GBF1: variants seen among roughly 807,000 people sequenced by gnomAD.
GBF1 encodes Golgi-specific brefeldin A-resistance guanine nucleotide exchange factor 1.
GBF1 carries 114 observed loss-of-function variants against 210.5 expected under a neutral mutation model. The ratio of observed to expected loss-of-function variants is 0.54; its 90% CI spans 0.47 to 0.63. The LOEUF is 0.63. Among genes scored for constraint, GBF1 ranks in the 30% least tolerant of loss-of-function variants. The probability of loss-of-function intolerance (pLI) is 0.00; values close to 1 mark genes in which losing one functional copy is unlikely to be tolerated. For missense variants in GBF1, 1,851 were observed against 2,357.7 expected, an observed-to-expected ratio of 0.79 and a Z score of 4.45; for synonymous variants, 850 against 889.2, an observed-to-expected ratio of 0.96 and a Z score of 0.78.
At chr10:102,299,237 A>G (rs756073025) in intron 3 of GBF1, among the ~76,000 whole-genome samples, 1 of 152,230 alleles carries the variant, frequency 6.6e-6, no homozygotes. Flanking sequence ...TGCTGAGTGA[A>G]TGATTCCAGT....
intron 3 of GBF1, among the ~76,000 whole-genome samples, chr10:102,304,896 C>CAGCTT (rs2077703860): frequency 6.6e-6 from 1 of 151,262 alleles, no homozygotes; most frequent in African/African-American, 2.4e-5. Context: ...CCTGTAGTCC[C>CAGCTT]AGCTACTCAG....
intron 3 of GBF1, among the ~76,000 whole-genome samples, chr10:102,296,485 C>G (rs1395597914): frequency 6.6e-6 from 1 of 152,160 alleles, no homozygotes; most frequent in Admixed American, 6.6e-5. Context: ...TGGCTCACGC[C>G]TGTAATCTCA....
chr10:102,365,187 T>C (rs2059842865), intron 17 of GBF1, among the ~76,000 whole-genome samples: 1 of 151,780 alleles, frequency 6.6e-6, no homozygotes, highest in South Asian at 2.1e-4. Context: ...AGGAAAGGAG[T>C]AAAAAAGAGC....
chr10:102,366,640 G>A lies in GBF1; in HGVS notation c.2433+134G>A. ...CTCGCTCTGTCACCCAGGCTGGAGTGCAGTAGCGCAGTCTCAGCACACTGC... is the reference window on the plus strand; with the variant it reads ...CTCGCTCTGTCACCCAGGCTGGAGTACAGTAGCGCAGTCTCAGCACACTGC... On this transcript the variant is annotated intron_variant, in intron 19 of 39. Coordinates refer to ENST00000369983, the MANE Select transcript of GBF1 (RefSeq NM_001377137.1). The surrounding 1 kb of genome is among the most constrained non-coding windows in gnomAD (Gnocchi z 4.0). The A allele has an allele frequency of 2.6e-6, 2 of 772,306 alleles. No individual in the cohort carries two copies. The highest frequency in any genetic ancestry group is 4.0e-6 in the Non-Finnish European group (2 of 498,526). 47.8% of individuals were successfully genotyped at this position (772,306 alleles called of 1,614,324 possible).
At chr10:102,351,741 C>G in intron 5 of GBF1, 102 bp from the exon 6 acceptor site, 4 of 717,488 alleles carry the variant, frequency 5.6e-6, no homozygotes, top group South Asian at 3.1e-5. Flanking sequence ...ACCTCTCTAC[C>G]AAGCTGAGGT....
At chr10:102,381,039 G>T in intron 38 of GBF1, 88 bp from the exon 39 acceptor site, 2 of 1,279,846 alleles carry the variant, frequency 1.6e-6, no homozygotes, top group Non-Finnish European at 2.2e-6. Flanking sequence ...CTGTGCCCTG[G>T]GTGGGTAGAA....
At chr10:102,298,187 C>T in intron 3 of GBF1, among the ~76,000 whole-genome samples, 1 of 152,098 alleles carries the variant, frequency 6.6e-6, no homozygotes, top group African/African-American at 2.4e-5. Flanking sequence ...CCCGCCTCAG[C>T]CTCCCAAAGT....
At chr10:102,296,757 A>G (rs1684053105) in intron 3 of GBF1, among the ~76,000 whole-genome samples, 1 of 151,820 alleles carries the variant, frequency 6.6e-6, no homozygotes, top group Non-Finnish European at 1.5e-5. Flanking sequence ...AAAAAAAAGA[A>G]TTGTAGGCCA....
chr10:102,308,201 T>TAAAAAAAAAAA (rs11440668), intron 3 of GBF1, among the ~76,000 whole-genome samples: 1 of 123,446 alleles, frequency 8.1e-6, no homozygotes, highest in African/African-American at 3.0e-5. Context: ...TCACAGAAGC[T>TAAAAAAAAAAA]AAAAAAAAAA....
At chr10:102,322,187 T>G (rs955542886) in intron 3 of GBF1, among the ~76,000 whole-genome samples, 1 of 152,230 alleles carries the variant, frequency 6.6e-6, no homozygotes, top group African/African-American at 2.4e-5. Context: ...TGAAAAAATA[T>G]TCTGGCTATC....
At position 102,323,259 on chromosome 10, in the gene GBF1, A is replaced by AAG. The variant is rs1554964091; in HGVS notation, c.164-20791_164-20790insGA. ...AAATTGAAAAAAAAAAAAAAAAAAA[A>AAG]AAGAAGAAGAAGAAGCTTCAAAGCC... On this transcript the variant is annotated intron_variant, in intron 3 of 39. Coordinates refer to ENST00000369983, the MANE Select transcript of GBF1 (RefSeq NM_001377137.1). 6.0e-5 allele frequency among the ~76,000 whole-genome samples: 9 copies of AAG among 151,116 alleles called. No homozygotes were observed. In the East Asian group the frequency reaches 7.7e-4, roughly 13 times the overall value.
chr10:102,258,312 G>A (rs1013155663), intron 1 of GBF1, among the ~76,000 whole-genome samples: 13 of 150,966 alleles, frequency 8.6e-5, no homozygotes, highest in South Asian at 2.1e-4. Flanking sequence ...GCGCCACCTC[G>A]CCTGGCTAAT....
intron 3 of GBF1, among the ~76,000 whole-genome samples, chr10:102,293,771 G>GTTTTTTTTTTTTTT (rs56722082): frequency 3.5e-4 from 8 of 22,892 alleles, no homozygotes; most frequent in African/African-American, 1.1e-3. Flanking sequence ...TATGTTTTGT[G>GTTTTTTTTTTTTTT]TTTTTTTTTT....
intron 39 of GBF1, 43 bp downstream of exon 39, chr10:102,381,298 C>G: frequency 6.2e-7 from 1 of 1,604,764 alleles, no homozygotes; most frequent in Non-Finnish European, 8.5e-7. Context: ...GAGTAGCAAG[C>G]AGGGGGCCTA....
chr10:102,258,435 C>T (rs1056661487), intron 1 of GBF1, among the ~76,000 whole-genome samples: 1 of 148,298 alleles, frequency 6.7e-6, no homozygotes, highest in Non-Finnish European at 1.5e-5. Flanking sequence ...GGATTACAGG[C>T]CTGAGCCACT....
At chr10:102,294,275 A>G (rs1454531133) in intron 3 of GBF1, among the ~76,000 whole-genome samples, 1 of 152,158 alleles carries the variant, frequency 6.6e-6, no homozygotes, top group African/African-American at 2.4e-5. Flanking sequence ...CTAGGCCTTC[A>G]CATTCACTCA....
In GBF1 at chr10:102,368,389, T is replaced by C; in HGVS notation, c.2814T>C (p.Ala938=). The C allele has an allele frequency of 1.9e-6, 3 of 1,613,970 alleles. No individual in the cohort carries two copies. The highest frequency in any genetic ancestry group is 2.5e-6 in the Non-Finnish European group (3 of 1,179,826). Reference sequence around the variant, plus strand: ...TGACCTGGGGCCCCACTATTGCTGCTCTCTCTTATGTCTTTGACAAAAGCC... The same window carrying C: ...TGACCTGGGGCCCCACTATTGCTGCCCTCTCTTATGTCTTTGACAAAAGCC... The part of the protein sequence containing the change: ...FTMTWGPTIA[A]LSYVFDKSLE... Residue 938 remains alanine, a synonymous_variant, in exon 22 of 40, where the codon GCT becomes GCC. Coordinates refer to ENST00000369983, the MANE Select transcript of GBF1 (RefSeq NM_001377137.1).
rs776846075 is a variant in GBF1 at position 102,379,559 on chromosome 10, C to G, written c.4684C>G (p.Arg1562Gly). 6.2e-7 allele frequency: 1 copy of G among 1,614,100 alleles called. No individual in the cohort carries two copies. The highest frequency in any genetic ancestry group is 1.1e-5 in the South Asian group (1 of 91,070). Residue 1562 changes from arginine to glycine, a missense_variant, in exon 35 of 40, where the codon CGG (arginine) becomes GGG (glycine). Physicochemically the swap from Arg to Gly is moderately radical, Grantham distance 125 (BLOSUM62 -2). Around this residue, in one of 3 missense-constraint regions of GBF1, gnomAD observed 967 missense variants for 1,247.7 expected, o/e 0.78. Transcript: ENST00000369983. Reference protein sequence around the residue: ...CLCCDARRQVRMQALTYLQRA... With the variant: ...CLCCDARRQVGMQALTYLQRA... The stretch of plus-strand genomic sequence containing the variant: ...GTGCTGCGATGCCCGGCGCCAGGTA[C>G]GGATGCAGGCACTGACCTATCTGCA...
intron 3 of GBF1, among the ~76,000 whole-genome samples, chr10:102,330,951 C>T (rs1047985644): frequency 6.6e-6 from 1 of 152,042 alleles, no homozygotes; most frequent in Admixed American, 6.6e-5. Flanking sequence ...CCTGTCTTAT[C>T]TTTTGAAAGT....
Sources: allele counts gnomAD v4.1 joint callset (sites outside exome capture counted in the v4.1 genomes callset), GRCh38; gene constraint gnomAD v4.1.1; regional missense constraint gnomAD v4.1.1; non-coding constraint Gnocchi (gnomAD v3.1); transcripts MANE v1.5; gene names NCBI Gene and HGNC (gene_info 2026-07-23, HGNC 2026-07-21).